Variants in PAPPA2 observed in about 807,000 individuals in gnomAD.
PAPPA2 encodes pappalysin 2, also known as pappalysin-2.
Under a neutral mutation model 176.4 loss-of-function variants are expected in PAPPA2, and 86 were observed. That is an observed-to-expected ratio of 0.49 (90% CI 0.41 to 0.58). The LOEUF (loss-of-function observed/expected upper bound fraction) is 0.58. Among genes scored for constraint, PAPPA2 ranks in the 20% least tolerant of loss-of-function variants. The pLI is 0.00. For synonymous variants in PAPPA2, 809 were observed against 852.2 expected, an observed-to-expected ratio of 0.95 and a Z score of 0.88; for missense variants, 2,073 against 2,256.9, an observed-to-expected ratio of 0.92 and a Z score of 1.65.
chr1:176,570,054 C>A (rs904175487), intron 2 of PAPPA2, among the ~76,000 whole-genome samples: 1 of 152,192 alleles, frequency 6.6e-6, no homozygotes, highest in Admixed American at 6.5e-5. Flanking sequence ...CAGAAATTAT[C>A]TTTTCTATTT....
chr1:176,467,972 GC>G (rs1356403373), intron 1 of PAPPA2, among the ~76,000 whole-genome samples: 1 of 152,196 alleles, frequency 6.6e-6, no homozygotes, highest in African/African-American at 2.4e-5. Context: ...AGAGGGGCTG[GC>G]TGGGGAGAGT....
At chr1:176,831,063 G>A (rs1033771549) in intron 21 of PAPPA2, among the ~76,000 whole-genome samples, 2 of 152,224 alleles carry the variant, frequency 1.3e-5, no homozygotes, top group African/African-American at 4.8e-5. Flanking sequence ...CACTGATGGA[G>A]GGGTAGACAA....
intron 14 of PAPPA2, among the ~76,000 whole-genome samples, chr1:176,740,568 A>C (rs1453214489): frequency 6.6e-6 from 1 of 152,144 alleles, no homozygotes; most frequent in Non-Finnish European, 1.5e-5. Context: ...ACTTCTTTCC[A>C]CCTGGACAGT....
chr1:176,762,987 T>C (rs1005127069), intron 14 of PAPPA2, among the ~76,000 whole-genome samples: 1 of 152,324 alleles, frequency 6.6e-6, no homozygotes, highest in Middle Eastern at 3.4e-3. Flanking sequence ...CACTGACATA[T>C]GATTTAAATC....
chr1:176,488,956 A>G (rs928151766), intron 1 of PAPPA2, among the ~76,000 whole-genome samples: 11 of 152,166 alleles, frequency 7.2e-5, no homozygotes, highest in Non-Finnish European at 1.6e-4. Context: ...ACTCTGGGCA[A>G]GTATTTTAAC....
chr1:176,815,380 A>G (rs1666332018), intron 21 of PAPPA2, among the ~76,000 whole-genome samples: 1 of 152,160 alleles, frequency 6.6e-6, no homozygotes, highest in Non-Finnish European at 1.5e-5. Flanking sequence ...TCACACCTCT[A>G]GGTTTATTTG....
In PAPPA2 at chr1:176,800,046, CGT is replaced by C; in HGVS notation, c.5131-14_5131-13del. ...CTTTAATTTTGTTTTCTGTTTTTCC[CGT>C]CTTTCCCCTTAGAGCATTGTGTGCA... On this transcript the variant is annotated splice_polypyrimidine_tract_variant and intron_variant, in intron 20 of 22. Coordinates refer to ENST00000367662, the MANE Select transcript of PAPPA2 (RefSeq NM_020318.3). The C allele has an allele frequency of 6.8e-6, 11 of 1,613,656 alleles. No homozygotes were observed. Among genetic ancestry groups the C allele is most frequent in the Non-Finnish European group, 8.5e-6 (10 of 1,179,720 alleles).
At chr1:176,661,935 A>C (rs1170188221) in intron 3 of PAPPA2, among the ~76,000 whole-genome samples, 1 of 151,916 alleles carries the variant, frequency 6.6e-6, no homozygotes, top group Non-Finnish European at 1.5e-5. Flanking sequence ...TTGTTTTTGC[A>C]TGTAATTTTG....
intron 20 of PAPPA2, among the ~76,000 whole-genome samples, chr1:176,797,856 A>C (rs887964456): frequency 1.3e-5 from 2 of 152,266 alleles, no homozygotes; most frequent in East Asian, 3.9e-4. Flanking sequence ...TATTAATGGC[A>C]TATACATATA....
rs904782768 is a variant in PAPPA2, at chr1:176,498,753, A to C, written c.-917+35335A>C. Among the ~76,000 whole-genome samples, 479 of 126,448 alleles carry C rather than the reference A, an allele frequency of 3.8e-3. 2 individuals are homozygous for C. The highest frequency in any genetic ancestry group is 8.8e-3 in the South Asian group (30 of 3,424). 83.0% of individuals were successfully genotyped at this position (126,448 alleles called of 152,430 possible). On this transcript the variant is annotated intron_variant, in intron 1 of 22. Coordinates refer to ENST00000367662, the MANE Select transcript of PAPPA2 (RefSeq NM_020318.3). ...CGACAGAGCGAGACTCTTACCTCCA[A>C]AAAAAAAAAAAAAGAAGAAGAAATC... is the stretch of plus-strand genomic sequence containing the variant.
intron 2 of PAPPA2, among the ~76,000 whole-genome samples, chr1:176,575,922 G>A (rs1257789943): frequency 1.3e-5 from 2 of 152,166 alleles, no homozygotes; most frequent in Non-Finnish European, 2.9e-5. Context: ...TTTCTAATAA[G>A]TAGGCTGTGA....
At chr1:176,755,467 A>G (rs553164325) in intron 14 of PAPPA2, among the ~76,000 whole-genome samples, 7 of 152,278 alleles carry the variant, frequency 4.6e-5, no homozygotes, top group Non-Finnish European at 8.8e-5. Flanking sequence ...ACGGGGCTGT[A>G]TTGTTCTCAC....
intron 14 of PAPPA2, among the ~76,000 whole-genome samples, chr1:176,744,369 A>T (rs900141140): frequency 2.0e-5 from 3 of 152,260 alleles, no homozygotes; most frequent in Non-Finnish European, 4.4e-5. Context: ...GCTTCACTGC[A>T]CTGTTTACAA....
chr1:176,746,173 G>A (rs1228078256), intron 14 of PAPPA2, among the ~76,000 whole-genome samples: 1 of 152,176 alleles, frequency 6.6e-6, no homozygotes, highest in Non-Finnish European at 1.5e-5. Context: ...TCTCTCCAGT[G>A]CCATCTACTG....
rs140594442 is a variant in PAPPA2, at chr1:176,473,064, T to C, written c.-917+9646T>C. Among the ~76,000 whole-genome samples the C allele has an allele frequency of 6.2e-4, 95 of 152,262 alleles. 5 individuals carry two copies. The highest frequency in any genetic ancestry group is 2.0e-3 in the African/African-American group (85 of 41,570). ...CCAAAGTCCATAGTTTATATTAAGGTTCACTTTTGGTGCTTACATTCTATA... is the reference window on the plus strand; with the variant it reads ...CCAAAGTCCATAGTTTATATTAAGGCTCACTTTTGGTGCTTACATTCTATA... On this transcript the variant is annotated intron_variant, in intron 1 of 22. Coordinates refer to ENST00000367662, the MANE Select transcript of PAPPA2 (RefSeq NM_020318.3).
chr1:176,483,632 A>T (rs1260146910), intron 1 of PAPPA2, among the ~76,000 whole-genome samples: 1 of 151,784 alleles, frequency 6.6e-6, no homozygotes, highest in Non-Finnish European at 1.5e-5. Flanking sequence ...CACCACGCCC[A>T]GCTAATTTTT....
chr1:176,806,728 G>A (rs1442388554), intron 21 of PAPPA2, among the ~76,000 whole-genome samples: 1 of 152,180 alleles, frequency 6.6e-6, no homozygotes, highest in Non-Finnish European at 1.5e-5. Flanking sequence ...TGGAGATGTG[G>A]TTTGGGGCCT....
At chr1:176,622,715 AT>A (rs1655664401) in intron 3 of PAPPA2, among the ~76,000 whole-genome samples, 1 of 152,202 alleles carries the variant, frequency 6.6e-6, no homozygotes, top group Non-Finnish European at 1.5e-5. Flanking sequence ...GCTTAGTATG[AT>A]ATAGTGGGAC....
At chr1:176,737,906 C>T (rs956220461) in intron 12 of PAPPA2, among the ~76,000 whole-genome samples, 5 of 152,066 alleles carry the variant, frequency 3.3e-5, no homozygotes, top group Admixed American at 3.3e-4. Flanking sequence ...GGGTTTCCTC[C>T]TTGTTGAAGC....
Sources: gnomAD v4.1 joint callset for allele counts (sites outside exome capture counted in the v4.1 genomes callset) on GRCh38, gnomAD v4.1.1 for gene constraint, MANE v1.5 for transcripts, NCBI Gene and HGNC (gene_info 2026-07-23, HGNC 2026-07-21) for gene names.